Variants in NPAS3 observed in about 807,000 individuals in gnomAD.
NPAS3 encodes the protein neuronal PAS domain protein 3.
NPAS3 carries 14 observed loss-of-function variants against 73.1 expected under a neutral mutation model. The observed-to-expected ratio is 0.19, with a 90% CI of 0.13 to 0.30. The LOEUF is 0.30. Ranked by LOEUF, NPAS3 falls within the 10% of genes least tolerant of loss-of-function variation. The pLI, the probability that NPAS3 is intolerant of heterozygous loss-of-function variation, is 1.00. For synonymous variants in NPAS3, 620 were observed against 541.5 expected (o/e 1.14, Z -2.01); for missense variants, 1,096 against 1,250.0 (o/e 0.88, Z 1.86).
intron 3 of NPAS3, among the ~76,000 whole-genome samples, chr14:33,304,425 A>G (rs761554715): frequency 1.3e-5 from 2 of 151,954 alleles, no homozygotes; most frequent in Non-Finnish European, 2.9e-5. Flanking sequence ...CTATTTTCTT[A>G]TATTAGTGTC....
At chr14:33,668,557 T>C (rs946351766) in intron 5 of NPAS3, among the ~76,000 whole-genome samples, 1 of 152,206 alleles carries the variant, frequency 6.6e-6, no homozygotes, top group South Asian at 2.1e-4. Flanking sequence ...GGCGCATGCC[T>C]GTAATCCCAG....
intron 9 of NPAS3, among the ~76,000 whole-genome samples, chr14:33,788,426 G>A (rs949923141): frequency 6.6e-6 from 1 of 152,150 alleles, no homozygotes; most frequent in Non-Finnish European, 1.5e-5. Flanking sequence ...TTACCTGAAT[G>A]CACCATGTCT....
chr14:33,694,667 G>A (rs898127114), intron 6 of NPAS3, among the ~76,000 whole-genome samples: 1 of 152,098 alleles, frequency 6.6e-6, no homozygotes, highest in African/African-American at 2.4e-5. Context: ...GTCACAAAAT[G>A]GTACCAGTGT....
intron 3 of NPAS3, among the ~76,000 whole-genome samples, chr14:33,262,842 G>T (rs1458826164): frequency 6.6e-6 from 1 of 152,152 alleles, no homozygotes; most frequent in Non-Finnish European, 1.5e-5. Context: ...GTATCTCATT[G>T]TGGTTTTGAT....
chr14:33,414,816 G>T (rs2048081719), intron 4 of NPAS3, among the ~76,000 whole-genome samples: 1 of 152,120 alleles, frequency 6.6e-6, no homozygotes, highest in Admixed American at 6.6e-5. Flanking sequence ...TCCACTCCTT[G>T]AGAATTACTG....
intron 3 of NPAS3, among the ~76,000 whole-genome samples, chr14:33,352,365 C>T (rs988235146): frequency 2.0e-5 from 3 of 152,196 alleles, no homozygotes; most frequent in African/African-American, 7.2e-5. Flanking sequence ...CTTGTCAGCA[C>T]TCATTTTTGT....
At chr14:33,517,341 C>T (rs1049239189) in intron 4 of NPAS3, among the ~76,000 whole-genome samples, 3 of 152,004 alleles carry the variant, frequency 2.0e-5, no homozygotes, top group Admixed American at 1.3e-4. Flanking sequence ...AAAAAACTGT[C>T]GAAATGTCAT....
At chr14:33,624,339 G>T (rs982299591) in intron 5 of NPAS3, among the ~76,000 whole-genome samples, 1 of 152,182 alleles carries the variant, frequency 6.6e-6, no homozygotes, top group South Asian at 2.1e-4. Flanking sequence ...ATGCTCTCCC[G>T]AAGTTGTGTT....
chr14:32,940,522 C>A (rs1269236248), intron 1 of NPAS3, among the ~76,000 whole-genome samples: 1 of 152,148 alleles, frequency 6.6e-6, no homozygotes, highest in Non-Finnish European at 1.5e-5. Flanking sequence ...AGAGGAAAGG[C>A]GCAGTAGGAA....
rs186085220 is a variant in NPAS3 at position 33,398,871 on chromosome 14, T to A, written c.468+31603T>A. ...AACTCTCTATTTGAGTACAAAGTCA[T>A]TTTTTTTTATTCTAAGGGGCTCCTG... On this transcript the variant is annotated intron_variant, in intron 4 of 11. Transcript: ENST00000356141. Among the ~76,000 whole-genome samples, 3 of 151,174 alleles carry A rather than the reference T, an allele frequency of 2.0e-5. No individual in the cohort carries two copies. The East Asian group carries it at 5.8e-4, about 29-fold the overall frequency.
At chr14:33,602,898 G>A (rs2057444225) in intron 5 of NPAS3, among the ~76,000 whole-genome samples, 1 of 152,088 alleles carries the variant, frequency 6.6e-6, no homozygotes, top group Non-Finnish European at 1.5e-5. Flanking sequence ...ATACCTCCAG[G>A]TAACTTGACT....
chr14:33,127,465 A>G (rs912623141), intron 2 of NPAS3, among the ~76,000 whole-genome samples: 1 of 152,140 alleles, frequency 6.6e-6, no homozygotes, highest in African/African-American at 2.4e-5. Flanking sequence ...GCATAAAACC[A>G]ACTTGGCCAC....
rs1052660429 is a variant in NPAS3, at chr14:33,669,793, C to T, written c.559-6418C>T. 9.9e-5 allele frequency among the ~76,000 whole-genome samples: 15 copies of T among 152,130 alleles called. No homozygotes were observed. In the South Asian group the frequency reaches 2.3e-3, roughly 23 times the overall value. On this transcript the variant is annotated intron_variant, in intron 5 of 11. Transcript: ENST00000356141. ...GACAGTCTGCTTTGTTCTTTTTCTT[C>T]TCTGAGAACTAGGAGACCCACTGAT...
intron 5 of NPAS3, among the ~76,000 whole-genome samples, chr14:33,564,873 G>A (rs1410558825): frequency 6.6e-6 from 1 of 152,110 alleles, no homozygotes; most frequent in Non-Finnish European, 1.5e-5. Context: ...CATTTGTATG[G>A]GGTGATACCA....
intron 7 of NPAS3, among the ~76,000 whole-genome samples, chr14:33,755,967 A>T (rs2062102953): frequency 6.6e-6 from 1 of 152,044 alleles, no homozygotes; most frequent in African/African-American, 2.4e-5. Flanking sequence ...GAACTCACTC[A>T]CCCCTGAGGG....
At chr14:33,585,355 A>G (rs1427092898) in intron 5 of NPAS3, among the ~76,000 whole-genome samples, 1 of 152,208 alleles carries the variant, frequency 6.6e-6, no homozygotes, top group African/African-American at 2.4e-5. Flanking sequence ...AATCTGAGAA[A>G]TCTAGAGGGA....
intron 1 of NPAS3, among the ~76,000 whole-genome samples, chr14:33,021,301 T>A (rs2039589127): frequency 6.6e-6 from 1 of 152,178 alleles, no homozygotes; most frequent in Admixed American, 6.5e-5. Context: ...TTTCCCTGAA[T>A]TAAGAACTAT....
At chr14:33,509,465 T>C (rs951293804) in intron 4 of NPAS3, among the ~76,000 whole-genome samples, 7 of 152,042 alleles carry the variant, frequency 4.6e-5, no homozygotes, top group African/African-American at 1.7e-4. Flanking sequence ...GACCTGGATC[T>C]TAATTTTAAT....
chr14:33,342,712 T>C (rs888146355), intron 3 of NPAS3, among the ~76,000 whole-genome samples: 4 of 152,224 alleles, frequency 2.6e-5, no homozygotes, highest in African/African-American at 7.2e-5. Flanking sequence ...CTTTGGTGCA[T>C]GCTTTAATAG....
Sources: gnomAD v4.1 joint callset for allele counts (sites outside exome capture counted in the v4.1 genomes callset) on GRCh38, gnomAD v4.1.1 for gene constraint, MANE v1.5 for transcripts, NCBI Gene and HGNC (gene_info 2026-07-23, HGNC 2026-07-21) for gene names.